Variants in EPHA5 observed in about 807,000 individuals in gnomAD.
EPHA5 encodes ephrin type-A receptor 5.
EPHA5 carries 60 observed loss-of-function variants against 105.0 expected under a neutral mutation model. The observed-to-expected ratio is 0.57, with a 90% confidence interval of 0.46 to 0.71. The LOEUF (loss-of-function observed/expected upper bound fraction) is 0.71, where lower values mean the gene tolerates loss of function less well. Ranked by LOEUF, EPHA5 falls within the 30% of genes least tolerant of loss-of-function variation. EPHA5 has a pLI of 0.00. For synonymous variants in EPHA5, 513 were observed against 449.1 expected (o/e 1.14, Z -1.80); for missense variants, 1,218 against 1,274.7 (o/e 0.96, Z 0.68).
In EPHA5 at chr4:65,320,548, C is replaced by T. The variant is rs1347973029; in HGVS notation, c.*3566G>A. On this transcript the variant is annotated 3_prime_UTR_variant, in exon 17 of 17. Transcript: ENST00000613740. ...TAACACCTGACTCAAATAGTGTTTG[C>T]CATCCAATGCACTTTTATAGCCAAA... The T allele has an allele frequency of 1.7e-5, 4 of 228,972 alleles. No homozygotes were observed. The highest frequency in any genetic ancestry group is 2.6e-5 in the Non-Finnish European group (3 of 115,454). The allele number at this position is 228,972 out of a possible 1,614,324, so 14.2% of individuals were successfully genotyped here.
chr4:65,495,702 C>T (rs1220866012), intron 3 of EPHA5, among the ~76,000 whole-genome samples, 159 bp from the exon 4 acceptor site: 2 of 152,050 alleles, frequency 1.3e-5, no homozygotes, highest in Non-Finnish European at 2.9e-5. Flanking sequence ...TCATAAATAC[C>T]AGGCTATTCA....
chr4:65,446,451 C>T (rs1209553626), intron 5 of EPHA5, among the ~76,000 whole-genome samples: 1 of 152,110 alleles, frequency 6.6e-6, no homozygotes, highest in African/African-American at 2.4e-5. Context: ...AAGCCACAAG[C>T]ATTATTCTTG....
At chr4:65,395,648 A>C (rs9991978) in intron 8 of EPHA5, among the ~76,000 whole-genome samples, 6,887 of 152,270 alleles carry the variant, frequency 0.045, 509 homozygotes, top group African/African-American at 0.16. Flanking sequence ...ATTGAGTTTC[A>C]ATTGTTGAAT....
chr4:65,627,324 C>T (rs1194940509), intron 2 of EPHA5, among the ~76,000 whole-genome samples: 2 of 152,040 alleles, frequency 1.3e-5, no homozygotes, highest in Non-Finnish European at 2.9e-5. Flanking sequence ...TTGGAAAAAC[C>T]TGAATGCCCA....
At chr4:65,610,257 T>C (rs1744640458) in intron 2 of EPHA5, among the ~76,000 whole-genome samples, 1 of 152,122 alleles carries the variant, frequency 6.6e-6, no homozygotes, top group Admixed American at 6.6e-5. Flanking sequence ...GAGGCCATCA[T>C]CCTAAGCAAA....
chr4:65,489,771 T>G (rs1201658638), intron 5 of EPHA5, among the ~76,000 whole-genome samples: 1 of 152,230 alleles, frequency 6.6e-6, no homozygotes, highest in Non-Finnish European at 1.5e-5. Flanking sequence ...CCCTAATAAT[T>G]ACTTATTAAT....
intron 3 of EPHA5, among the ~76,000 whole-genome samples, chr4:65,548,107 C>A (rs145705213): frequency 1.3e-5 from 2 of 150,134 alleles, no homozygotes; most frequent in African/African-American, 4.9e-5. Context: ...AAACAGTGAG[C>A]AATATCAACT....
At chr4:65,576,062 A>AAAGAAAGAAAGAAC (rs1560721142) in intron 3 of EPHA5, among the ~76,000 whole-genome samples, 1 of 56,176 alleles carries the variant, frequency 1.8e-5, no homozygotes, top group Non-Finnish European at 3.6e-5. Flanking sequence ...AAGAAAGAAA[A>AAAGAAAGAAAGAAC]GAAAAGAAAA....
chr4:65,484,495 T>A (rs902308881), intron 5 of EPHA5, among the ~76,000 whole-genome samples: 1 of 152,244 alleles, frequency 6.6e-6, no homozygotes, highest in Admixed American at 6.5e-5. Context: ...CCCTCCAAGG[T>A]AAGGTGCAAG....
At chr4:65,481,964 C>T (rs1026812174) in intron 5 of EPHA5, among the ~76,000 whole-genome samples, 8 of 152,226 alleles carry the variant, frequency 5.3e-5, no homozygotes, top group African/African-American at 1.9e-4. Flanking sequence ...ATTCAATGAC[C>T]TACTGAAATA....
intron 5 of EPHA5, among the ~76,000 whole-genome samples, chr4:65,467,311 T>A (rs2149148685): frequency 6.6e-6 from 1 of 152,254 alleles, no homozygotes; most frequent in South Asian, 2.1e-4. Flanking sequence ...CAGTGGTAGA[T>A]TTATTGCAAA....
intron 7 of EPHA5, among the ~76,000 whole-genome samples, chr4:65,406,669 G>C (rs1200272000): frequency 6.6e-6 from 1 of 151,576 alleles, no homozygotes; most frequent in African/African-American, 2.4e-5. Context: ...CAACTCTCAG[G>C]GTGACAAATT....
chr4:65,656,616 G>A (rs1450019243), intron 1 of EPHA5, among the ~76,000 whole-genome samples: 4 of 146,506 alleles, frequency 2.7e-5, no homozygotes, highest in Non-Finnish European at 4.5e-5. Flanking sequence ...ATATAATAAT[G>A]TGATTGTTTA....
intron 8 of EPHA5, among the ~76,000 whole-genome samples, chr4:65,395,157 T>C (rs1285116726): frequency 6.6e-6 from 1 of 152,210 alleles, no homozygotes; most frequent in Non-Finnish European, 1.5e-5. Flanking sequence ...AGAACTCAGA[T>C]ACTTCTTGAA....
intron 8 of EPHA5, among the ~76,000 whole-genome samples, chr4:65,396,106 G>A (rs1470097578): frequency 3.3e-5 from 5 of 152,304 alleles, no homozygotes; most frequent in East Asian, 1.9e-4. Context: ...AGGCTCAGAC[G>A]TGCCTGCTCC....
At chr4:65,537,181 T>C (rs920484753) in intron 3 of EPHA5, among the ~76,000 whole-genome samples, 1 of 151,820 alleles carries the variant, frequency 6.6e-6, no homozygotes, top group Non-Finnish European at 1.5e-5. Context: ...AAATAGGATA[T>C]GGGCCACTTA....
At chr4:65,390,133 C>G (rs1459003909) in intron 8 of EPHA5, among the ~76,000 whole-genome samples, 2 of 152,034 alleles carry the variant, frequency 1.3e-5, no homozygotes, top group Admixed American at 1.3e-4. Context: ...TGGGGAAAGA[C>G]TGCCCCTCTC....
At chr4:65,344,888 T>C (rs1467103161) in intron 14 of EPHA5, among the ~76,000 whole-genome samples, 8 of 152,106 alleles carry the variant, frequency 5.3e-5, no homozygotes, top group Non-Finnish European at 1.2e-4. Context: ...GGACTATTGG[T>C]TAGAAATGAA....
At chr4:65,354,964 T>C (rs542219661) in intron 11 of EPHA5, among the ~76,000 whole-genome samples, 26 of 151,950 alleles carry the variant, frequency 1.7e-4, no homozygotes, top group African/African-American at 6.0e-4. Flanking sequence ...CTAAAGTTTA[T>C]AAAAGTTGTA....
Sources: allele counts gnomAD v4.1 joint callset (sites outside exome capture counted in the v4.1 genomes callset), GRCh38; gene constraint gnomAD v4.1.1; transcripts MANE v1.5; gene names NCBI Gene and HGNC (gene_info 2026-07-23, HGNC 2026-07-21).